Variants in CD101 observed in about 807,000 individuals in gnomAD.
CD101 encodes the protein immunoglobulin superfamily member 2.
In CD101, 76 loss-of-function variants were observed where a neutral mutation model predicts 98.2. That is an observed-to-expected ratio of 0.77 (90% CI 0.64 to 0.94). The LOEUF is 0.94. CD101 is among the 40% of genes least tolerant of loss of function. The pLI, the probability that CD101 is intolerant of heterozygous loss-of-function variation, is 0.00. For synonymous variants in CD101, 471 were observed against 472.7 expected (o/e 1.00, Z 0.05); for missense variants, 1,145 against 1,218.8 (o/e 0.94, Z 0.90).
At chr1:117,003,226 G>A (rs930943393) in intron 1 of CD101, among the ~76,000 whole-genome samples, 2 of 152,202 alleles carry the variant, frequency 1.3e-5, no homozygotes, top group African/African-American at 4.8e-5. Flanking sequence ...GGATGATTGG[G>A]GAACTAAACC....
At chr1:117,015,906 C>A (rs976226057) in intron 4 of CD101, among the ~76,000 whole-genome samples, 6 of 152,086 alleles carry the variant, frequency 3.9e-5, no homozygotes, top group Non-Finnish European at 7.4e-5. Context: ...GAGCCGTGGC[C>A]TTAAATTAGT....
Position 117,023,182 on chromosome 1 carries a change from T to C in CD101, c.2428+1199T>C, listed in dbSNP as rs1294441722. Among the ~76,000 whole-genome samples the C allele has an allele frequency of 2.0e-5, 3 of 152,168 alleles. No individual in the cohort carries two copies. The highest frequency in any genetic ancestry group is 4.4e-5 in the Non-Finnish European group (3 of 68,028). On this transcript the variant is annotated intron_variant, in intron 7 of 9. Coordinates refer to ENST00000682167, the MANE Select transcript of CD101 (RefSeq NM_001256106.3). This position sits in a 1 kb window ranked among gnomAD's most constrained non-coding sequence, Gnocchi z 4.4. ...CATCTCTGCCATCTCACCATGCTCA[T>C]TTGCACTTCTGCATTTCCCATCTGT...
chr1:117,014,829 T>C (rs571891517), intron 4 of CD101, among the ~76,000 whole-genome samples: 4 of 152,266 alleles, frequency 2.6e-5, no homozygotes, highest in African/African-American at 4.8e-5. Flanking sequence ...ATGCACCGAT[T>C]TGGCCTTGAG....
Position 117,018,635 on chromosome 1 carries a change from A to G in CD101, c.2017+75A>G. On this transcript the variant is annotated intron_variant, in intron 6 of 9. Coordinates refer to ENST00000682167, the MANE Select transcript of CD101 (RefSeq NM_001256106.3). The surrounding 1 kb of genome is among the most constrained non-coding windows in gnomAD (Gnocchi z 4.3). ...ATCCTCCCATTTTGGGTAAGTTATA[A>G]CAATAAAACATAAAATACTTTCTCC... 1.5e-6 allele frequency: 2 copies of G among 1,357,026 alleles called. No homozygotes were observed. The highest frequency in any genetic ancestry group is 2.3e-5 in the East Asian group (1 of 42,914). 84.1% of individuals were successfully genotyped at this position (1,357,026 alleles called of 1,614,324 possible).
chr1:117,008,043 TG>T (rs1194677880), intron 1 of CD101, among the ~76,000 whole-genome samples: 2 of 152,218 alleles, frequency 1.3e-5, no homozygotes, highest in Admixed American at 6.5e-5. Flanking sequence ...TAGTATAACT[TG>T]TTGGTAAGTA....
At chr1:117,016,978 A>C in intron 4 of CD101, 112 bp from the exon 5 acceptor site, 3 of 1,237,704 alleles carry the variant, frequency 2.4e-6, no homozygotes, top group Non-Finnish European at 3.3e-6. Context: ...AAACAGCCCA[A>C]TTTGACTTGT....
chr1:117,030,689 A>T (rs1176509314), intron 8 of CD101, among the ~76,000 whole-genome samples: 2 of 152,184 alleles, frequency 1.3e-5, no homozygotes, highest in Non-Finnish European at 2.9e-5. Flanking sequence ...TTGAAACAGG[A>T]TGCTGTCAGT....
At chr1:117,003,559 T>C (rs186505172) in intron 1 of CD101, among the ~76,000 whole-genome samples, 2 of 152,318 alleles carry the variant, frequency 1.3e-5, no homozygotes, top group Non-Finnish European at 2.9e-5. Flanking sequence ...GTATGTGCTT[T>C]GTGTATTTGA....
Position 117,005,986 on chromosome 1 carries a change from A to C in CD101, c.44-3864A>C, listed in dbSNP as rs1218833291. On this transcript the variant is annotated intron_variant, in intron 1 of 9. Transcript: ENST00000682167. This position sits in a 1 kb window ranked among gnomAD's most constrained non-coding sequence, Gnocchi z 4.4. ...TAAATATCTATATTTAAATATTTCA[A>C]AATGTTTGCTGGATATCCTTCCTGT... Among the ~76,000 whole-genome samples, 1 of 152,110 alleles carries C rather than the reference A, an allele frequency of 6.6e-6. No homozygotes were observed. The highest frequency in any genetic ancestry group is 2.1e-4 in the South Asian group (1 of 4,834).
Position 117,013,597 on chromosome 1 carries a change from GC to G in CD101, c.1034del (p.Ala345GlufsTer11). ...LGLKNDYKER[A>X]SQGELQVSKL... ...CCTGAAGAATGACTACAAAGAGAGA[GC>G]AAGTCAAGGAGAGCTCCAGGTTTCA... On this transcript the variant is annotated frameshift_variant, in exon 4 of 10. Coordinates refer to ENST00000682167, the MANE Select transcript of CD101 (RefSeq NM_001256106.3). LOFTEE classifies it high-confidence loss of function. 1 of 1,614,198 alleles carries G rather than the reference GC, an allele frequency of 6.2e-7. No homozygotes were observed.
At chr1:117,031,676 G>A (rs1479516571) in intron 8 of CD101, among the ~76,000 whole-genome samples, 3 of 152,210 alleles carry the variant, frequency 2.0e-5, no homozygotes, top group Admixed American at 6.5e-5. Context: ...TTTATTGCTT[G>A]CTGACTCCAC....
chr1:117,033,940 C>A lies in CD101; in HGVS notation c.2905C>A (p.Leu969Ile), dbSNP rs779239294. 1 of 1,614,212 alleles carries A rather than the reference C, an allele frequency of 6.2e-7. No homozygotes were observed. The highest frequency in any genetic ancestry group is 1.1e-5 in the South Asian group (1 of 91,086). Reference protein sequence around the residue: ...LFICPFVLLLLLLISLLCLYW... With the variant: ...LFICPFVLLLILLISLLCLYW... The stretch of plus-strand genomic sequence containing the variant: ...CATCTGTCCCTTCGTCCTGCTCCTC[C>A]TTCTGCTCATCTCCCTCCTCTGCTT... Residue 969 changes from leucine to isoleucine, a missense_variant, in exon 9 of 10, where the codon CTT (leucine) becomes ATT (isoleucine). Leu to Ile is a conservative substitution (Grantham distance 5). Coordinates refer to ENST00000682167, the MANE Select transcript of CD101 (RefSeq NM_001256106.3). The surrounding 1 kb of genome is among the most constrained non-coding windows in gnomAD (Gnocchi z 4.8).
Position 117,005,239 on chromosome 1 carries a change from T to C in CD101, c.43+3379T>C, listed in dbSNP as rs1029814068. Among the ~76,000 whole-genome samples the C allele has an allele frequency of 1.3e-5, 2 of 152,116 alleles. No individual in the cohort carries two copies. The highest frequency in any genetic ancestry group is 4.8e-5 in the African/African-American group (2 of 41,416). On this transcript the variant is annotated intron_variant, in intron 1 of 9. Transcript: ENST00000682167. This position sits in a 1 kb window ranked among gnomAD's most constrained non-coding sequence, Gnocchi z 4.4. ...TACTTCATTCATCCTCCTTGCTGGC[T>C]TCACCCATTCTCCATCCCACCCCTT...
intron 1 of CD101, 152 bp downstream of exon 1, chr1:117,002,012 T>C (rs1355934876): frequency 1.4e-6 from 1 of 704,412 alleles, no homozygotes; most frequent in Admixed American, 2.7e-5. Context: ...TAATGACAGT[T>C]CTTGGCTTAC....
rs1018281142 is a variant in CD101, at chr1:117,005,395, T to G, written c.43+3535T>G. ...TTACCCTGAAAACTGCTGCTTCCAC[T>G]CTATTGAAATCCCTTTTACAAAGAT... is the stretch of plus-strand genomic sequence containing the variant. On this transcript the variant is annotated intron_variant, in intron 1 of 9. Transcript: ENST00000682167. This position sits in a 1 kb window ranked among gnomAD's most constrained non-coding sequence, Gnocchi z 4.4. Among the ~76,000 whole-genome samples, 1 of 152,164 alleles carries G rather than the reference T, an allele frequency of 6.6e-6. No homozygotes were observed. Among genetic ancestry groups the G allele is most frequent in the African/African-American group, 2.4e-5 (1 of 41,434 alleles).
chr1:117,010,078 G>T lies in CD101; in HGVS notation c.272G>T (p.Ser91Ile), dbSNP rs751853405. 1 of 1,614,214 alleles carries T rather than the reference G, an allele frequency of 6.2e-7. No homozygotes were observed. Among genetic ancestry groups the T allele is most frequent in the South Asian group, 1.1e-5 (1 of 91,086 alleles). ...GCAGTATATACGCAGCGGGTGCGAAGCGGAGACGTCTACGTGGAGAGGGTC... is the reference window on the plus strand; with the variant it reads ...GCAGTATATACGCAGCGGGTGCGAATCGGAGACGTCTACGTGGAGAGGGTC... ...SYAVYTQRVRSGDVYVERVQG... is the reference protein window; with the variant it reads ...SYAVYTQRVRIGDVYVERVQG... The change falls in exon 2 of 10, where the codon AGC (serine) becomes ATC (isoleucine). Residue 91 changes from serine to isoleucine, a missense_variant. Transcript: ENST00000682167. The surrounding 1 kb of genome is among the most constrained non-coding windows in gnomAD (Gnocchi z 5.2).
rs746663222 is a variant in CD101 at position 117,025,594 on chromosome 1, T to C, written c.2514T>C (p.Ser838=). The C allele has an allele frequency of 1.7e-5, 27 of 1,613,334 alleles. No homozygotes were observed. The highest frequency in any genetic ancestry group is 2.2e-5 in the Non-Finnish European group (26 of 1,179,920). ...REVAIRCSLE[S]VGSSATLYSV... ...TGGCCATCCGCTGCAGCCTGGAGAG[T>C]GTAGGCAGCTCAGCCACTCTGTACT... Residue 838 remains serine (S), a synonymous_variant, in exon 8 of 10, where the codon AGT becomes AGC. Coordinates refer to ENST00000682167, the MANE Select transcript of CD101 (RefSeq NM_001256106.3).
Position 117,006,518 on chromosome 1 carries a change from TA to T in CD101, c.44-3331del, listed in dbSNP as rs1216658324. Among the ~76,000 whole-genome samples, 1 of 152,174 alleles carries T rather than the reference TA, an allele frequency of 6.6e-6. No homozygotes were observed. The highest frequency in any genetic ancestry group is 1.5e-5 in the Non-Finnish European group (1 of 68,028). Reference sequence around the variant, plus strand: ...AGTTTTACCTCTTTCTATTAATCTTTATGCAGCCCTCCCCCATCCAGTTGAT... The same window carrying T: ...AGTTTTACCTCTTTCTATTAATCTTTTGCAGCCCTCCCCCATCCAGTTGAT... On this transcript the variant is annotated intron_variant, in intron 1 of 9. Coordinates refer to ENST00000682167, the MANE Select transcript of CD101 (RefSeq NM_001256106.3). The surrounding 1 kb of genome is among the most constrained non-coding windows in gnomAD (Gnocchi z 4.4).
chr1:117,033,815 A>C lies in CD101; in HGVS notation c.2825-45A>C, dbSNP rs767472414. 3.2e-5 allele frequency: 51 copies of C among 1,611,690 alleles called. No homozygotes were observed. Among genetic ancestry groups the C allele is most frequent in the Non-Finnish European group, 4.3e-5 (51 of 1,178,564 alleles). On this transcript the variant is annotated intron_variant, in intron 8 of 9. Coordinates refer to ENST00000682167, the MANE Select transcript of CD101 (RefSeq NM_001256106.3). This position sits in a 1 kb window ranked among gnomAD's most constrained non-coding sequence, Gnocchi z 4.8. ...GAGTGTTTGTAATTGACTAGTACAA[A>C]TAAGTTGGAGATGAATTACTCTCTT... is the stretch of plus-strand genomic sequence containing the variant.
Sources: gnomAD v4.1 joint callset for allele counts (sites outside exome capture counted in the v4.1 genomes callset) on GRCh38, gnomAD v4.1.1 for gene constraint, Gnocchi (gnomAD v3.1) non-coding constraint, MANE v1.5 for transcripts, NCBI Gene and HGNC (gene_info 2026-07-23, HGNC 2026-07-21) for gene names.